S100Z: variants seen among roughly 807,000 people sequenced by gnomAD.
The protein encoded by S100Z is S100 calcium binding protein Z.
A neutral mutation model predicts 8.5 loss-of-function variants in S100Z; 11 were observed. That is an observed-to-expected ratio of 1.30 (90% CI 0.82 to 2.15). The LOEUF is 2.15. Among genes scored for constraint, S100Z ranks in the 30% most tolerant of loss-of-function variants. The probability of loss-of-function intolerance (pLI) is 0.00; values close to 1 mark genes in which losing one functional copy is unlikely to be tolerated. For synonymous variants in S100Z, 34 were observed against 43.8 expected (o/e 0.78, Z 0.89); for missense variants, 126 against 117.9 (o/e 1.07, Z -0.32).
chr5:76,902,543 C>A (rs1323841790), intron 4 of S100Z, among the ~76,000 whole-genome samples: 1 of 152,054 alleles, frequency 6.6e-6, no homozygotes, highest in Non-Finnish European at 1.5e-5. Flanking sequence ...TCTTCAGTGC[C>A]TCTTTCAGTG....
At chr5:76,947,643 T>C in the S100Z span, among the ~76,000 whole-genome samples, 1 of 152,000 alleles carries the variant, frequency 6.6e-6, no homozygotes, top group African/African-American at 2.4e-5. Context: ...GTTAAAACAA[T>C]ATGGTACAGG....
chr5:76,877,892 C>A, intron 4 of S100Z, 58 bp downstream of exon 4: 2 of 1,215,786 alleles, frequency 1.6e-6, no homozygotes, highest in Non-Finnish European at 1.2e-6. Flanking sequence ...ACTTAATGTT[C>A]ATTTATACCG....
rs79604968 is a variant in S100Z at position 76,868,478 on chromosome 5, C to T, written c.-175-1688C>T. Reference sequence around the variant, plus strand: ...AGTTTTACCTGCCAACTGAGTTCTCCGAGTAAATTATTTTATGGTTAAATA... The same window carrying T: ...AGTTTTACCTGCCAACTGAGTTCTCTGAGTAAATTATTTTATGGTTAAATA... On this transcript the variant is annotated intron_variant, in intron 1 of 4. Coordinates refer to ENST00000317593, the MANE Select transcript of S100Z (RefSeq NM_130772.4). Among the ~76,000 whole-genome samples, 1,150 of 151,242 alleles carry T rather than the reference C, an allele frequency of 7.6e-3. 16 individuals carry two copies. Among genetic ancestry groups the T allele is most frequent in the East Asian group, 0.065 (335 of 5,182 alleles).
chr5:76,916,864 A>G (rs1744868518), intron 4 of S100Z, among the ~76,000 whole-genome samples: 1 of 152,196 alleles, frequency 6.6e-6, no homozygotes, highest in Admixed American at 6.6e-5. Context: ...AGTGGCTCAC[A>G]TCTTTAATCC....
chr5:76,901,568 C>T (rs530961958), intron 4 of S100Z, among the ~76,000 whole-genome samples: 162 of 150,940 alleles, frequency 1.1e-3, no homozygotes, highest in African/African-American at 3.8e-3. Context: ...AAGGGCTCTT[C>T]AGTCAACTGG....
At chr5:76,905,397 GTTTATT>G (rs2150674280) in intron 4 of S100Z, among the ~76,000 whole-genome samples, 1 of 151,898 alleles carries the variant, frequency 6.6e-6, no homozygotes, top group Non-Finnish European at 1.5e-5. Context: ...TTCATTTTGA[GTTTATT>G]TTTATTTATT....
At chr5:76,937,345 A>C in the S100Z span, among the ~76,000 whole-genome samples, 112,505 of 151,600 alleles carry the variant, frequency 0.74, 42,401 homozygotes, top group East Asian at 0.93. Context: ...TTTTTTTTTA[A>C]AGAACTAGAG....
At chr5:76,876,749 C>T (rs1743206523) in intron 3 of S100Z, among the ~76,000 whole-genome samples, 1 of 152,130 alleles carries the variant, frequency 6.6e-6, no homozygotes, top group African/African-American at 2.4e-5. Context: ...TAATCAAGTA[C>T]AATTTATAAT....
chr5:76,941,181 T>C, the S100Z span, among the ~76,000 whole-genome samples: 1 of 152,186 alleles, frequency 6.6e-6, no homozygotes, highest in Non-Finnish European at 1.5e-5. Context: ...GCTTAATTTT[T>C]TTCGTTTTGA....
intron 1 of S100Z, among the ~76,000 whole-genome samples, chr5:76,857,101 G>A (rs112079932): frequency 0.13 from 19,768 of 152,068 alleles, 2,855 homozygotes; most frequent in African/African-American, 0.36. Flanking sequence ...AGACCAGCCC[G>A]GCCAACATGG....
chr5:76,857,078 G>C (rs1295632034), intron 1 of S100Z, among the ~76,000 whole-genome samples: 1 of 152,182 alleles, frequency 6.6e-6, no homozygotes, highest in Non-Finnish European at 1.5e-5. Flanking sequence ...CAGAACACAA[G>C]GTCAGGAGTT....
intron 1 of S100Z, among the ~76,000 whole-genome samples, 179 bp downstream of exon 1, chr5:76,850,334 G>GA (rs200173605): frequency 1.5e-3 from 140 of 95,212 alleles, no homozygotes; most frequent in African/African-American, 7.0e-3. Context: ...GGGGGGGTGG[G>GA]GGAGAGAGAG....
At chr5:76,897,470 A>G (rs1000334222) in intron 4 of S100Z, among the ~76,000 whole-genome samples, 1 of 143,852 alleles carries the variant, frequency 7.0e-6, no homozygotes. Context: ...TAATAATAAA[A>G]ATAAAAAAAT....
chr5:76,911,894 C>T (rs1744675896), intron 4 of S100Z, among the ~76,000 whole-genome samples: 1 of 152,162 alleles, frequency 6.6e-6, no homozygotes, highest in South Asian at 2.1e-4. Context: ...CTTTTGCTGA[C>T]TATGGATCCC....
intron 4 of S100Z, among the ~76,000 whole-genome samples, chr5:76,894,905 A>G (rs1743982874): frequency 6.6e-6 from 1 of 151,988 alleles, no homozygotes; most frequent in Non-Finnish European, 1.5e-5. Context: ...TTTTCTTTAT[A>G]TTTTAAATTT....
At chr5:76,918,624 G>A (rs142424212) in intron 4 of S100Z, among the ~76,000 whole-genome samples, 139 of 152,278 alleles carry the variant, frequency 9.1e-4, no homozygotes, top group African/African-American at 3.2e-3. Context: ...GATGTGCACC[G>A]ACTTCCCCAT....
chr5:76,903,903 G>T (rs1193675174), intron 4 of S100Z, among the ~76,000 whole-genome samples: 3 of 151,078 alleles, frequency 2.0e-5, no homozygotes, highest in East Asian at 2.0e-4. Flanking sequence ...TTTTTTGTGT[G>T]TGTGTATTTT....
At position 76,875,338 on chromosome 5, in the gene S100Z, A is replaced by G. The variant is rs1376372897; in HGVS notation, c.-22A>G. 4 of 1,602,448 alleles carry G rather than the reference A, an allele frequency of 2.5e-6. No homozygotes were observed. Among genetic ancestry groups the G allele is most frequent in the Admixed American group, 1.7e-5 (1 of 57,620 alleles). On this transcript the variant is annotated 5_prime_UTR_variant, in exon 3 of 5. Transcript: ENST00000317593. Reference sequence around the variant, plus strand: ...CCCGGGTTTGGTGGCCTGCTTCTGGAGTGGTCAGTTCTGCTGCCGACATGC... The same window carrying G: ...CCCGGGTTTGGTGGCCTGCTTCTGGGGTGGTCAGTTCTGCTGCCGACATGC...
intron 2 of S100Z, among the ~76,000 whole-genome samples, chr5:76,873,771 C>G (rs1390822955): frequency 1.3e-5 from 2 of 152,208 alleles, no homozygotes; most frequent in Admixed American, 6.5e-5. Flanking sequence ...GCTTGCTTTC[C>G]GTATAATTAA....
Sources: allele counts gnomAD v4.1 joint callset (sites outside exome capture counted in the v4.1 genomes callset), GRCh38; gene constraint gnomAD v4.1.1; transcripts MANE v1.5; gene names NCBI Gene and HGNC (gene_info 2026-07-23, HGNC 2026-07-21).